USP8: variants seen among roughly 807,000 people sequenced by gnomAD.
USP8 encodes ubiquitin carboxyl-terminal hydrolase 8.
Under a neutral mutation model 130.0 loss-of-function variants are expected in USP8, and 27 were observed. The ratio of observed to expected loss-of-function variants is 0.21; its 90% confidence interval spans 0.15 to 0.29. The LOEUF is 0.29. Among genes scored for constraint, USP8 ranks in the 10% least tolerant of loss-of-function variants. The probability of loss-of-function intolerance (pLI) is 1.00; values close to 1 mark genes in which losing one functional copy is unlikely to be tolerated. For missense variants in USP8, 1,029 were observed against 1,312.2 expected, an observed-to-expected ratio of 0.78 and a Z score of 3.33; for synonymous variants, 392 against 444.1, an observed-to-expected ratio of 0.88 and a Z score of 1.48.
At chr15:50,464,539 C>T (rs1482906822) in intron 6 of USP8, among the ~76,000 whole-genome samples, 3 of 152,130 alleles carry the variant, frequency 2.0e-5, no homozygotes, top group African/African-American at 4.8e-5. Flanking sequence ...AACAGAGCAT[C>T]GAACTGGTTT....
intron 7 of USP8, among the ~76,000 whole-genome samples, chr15:50,469,831 A>ATTTTTTT: frequency 7.3e-6 from 1 of 136,068 alleles, no homozygotes; most frequent in Non-Finnish European, 1.6e-5. Flanking sequence ...ATTAAATCCA[A>ATTTTTTT]TTTTTTTTTT....
chr15:50,494,069 G>A lies in USP8; in HGVS notation c.2448-1G>A. On this transcript the variant is annotated splice_acceptor_variant, in intron 15 of 19. Coordinates refer to ENST00000307179, the MANE Select transcript of USP8 (RefSeq NM_005154.5). LOFTEE classifies it high-confidence loss of function. ...TTTTGTAACAACTTTTATTTGCACA[G>A]GTCAAATTTGTTGGGGCATAAAGGT... The A allele has an allele frequency of 6.2e-7, 1 of 1,603,332 alleles. No individual in the cohort carries two copies. Among genetic ancestry groups the A allele is most frequent in the Non-Finnish European group, 8.5e-7 (1 of 1,177,010 alleles).
Position 50,496,103 on chromosome 15 carries a change from GAGAA to G in USP8, c.2895+21_2895+24del. On this transcript the variant is annotated intron_variant, in intron 17 of 19. Coordinates refer to ENST00000307179, the MANE Select transcript of USP8 (RefSeq NM_005154.5). Reference sequence around the variant, plus strand: ...ATTACAGGTAAGTTTAAGAAGTAGAGAGAAAATGATTTATTGGATAAAAATGCTG... The same window carrying G: ...ATTACAGGTAAGTTTAAGAAGTAGAGAATGATTTATTGGATAAAAATGCTG... 1 of 1,556,662 alleles carries G rather than the reference GAGAA, an allele frequency of 6.4e-7. No individual in the cohort carries two copies. The highest frequency in any genetic ancestry group is 8.8e-7 in the Non-Finnish European group (1 of 1,139,466).
In USP8 at chr15:50,513,215, C is replaced by T. The variant is rs971658202; in HGVS notation, c.*14127C>T. On this transcript the variant is annotated 3_prime_UTR_variant, in exon 20 of 20. Transcript: ENST00000307179. ...AAGTGACCTCACTCCTAAGTATATA[C>T]ATGAGAGAAACTCTTATGCACATAT... 7.9e-5 allele frequency: 12 copies of T among 152,046 alleles called. No individual in the cohort carries two copies. Among genetic ancestry groups the T allele is most frequent in the African/African-American group, 2.9e-4 (12 of 41,392 alleles). 9.4% of individuals were successfully genotyped at this position (152,046 alleles called of 1,614,324 possible).
chr15:50,450,660 G>A (rs1325174873), intron 4 of USP8, among the ~76,000 whole-genome samples: 8 of 151,680 alleles, frequency 5.3e-5, no homozygotes, highest in African/African-American at 1.7e-4. Flanking sequence ...TAGTCGAGAC[G>A]GGGTTTCTCC....
At chr15:50,471,392 T>C (rs1396799270) in intron 7 of USP8, among the ~76,000 whole-genome samples, 1 of 152,204 alleles carries the variant, frequency 6.6e-6, no homozygotes. Context: ...TGAAAAGAAT[T>C]CAGTCTTCTT....
chr15:50,427,837 C>T (rs1434354413), intron 1 of USP8, among the ~76,000 whole-genome samples: 2 of 150,506 alleles, frequency 1.3e-5, no homozygotes, highest in African/African-American at 4.9e-5. Flanking sequence ...GGGATTATAG[C>T]CGTGAGCCAC....
Position 50,506,093 on chromosome 15 carries a change from T to C in USP8, c.*7005T>C, listed in dbSNP as rs2052654496. 2 of 152,244 alleles carry C rather than the reference T, an allele frequency of 1.3e-5. No homozygotes were observed. Among genetic ancestry groups the C allele is most frequent in the Non-Finnish European group, 1.5e-5 (1 of 68,052 alleles). The allele number at this position is 152,244 out of a possible 1,614,324, so 9.4% of individuals were successfully genotyped here. A position where few individuals can be genotyped will look rare whatever the true frequency, so the allele number is the denominator to read the frequency against. Reference sequence around the variant, plus strand: ...TTTAAGTATGAAAGCTGTCGTTTTTTAGCATAATTACTAAAGAATCAAAAT... The same window carrying C: ...TTTAAGTATGAAAGCTGTCGTTTTTCAGCATAATTACTAAAGAATCAAAAT... On this transcript the variant is annotated 3_prime_UTR_variant, in exon 20 of 20. Coordinates refer to ENST00000307179, the MANE Select transcript of USP8 (RefSeq NM_005154.5).
At chr15:50,469,661 A>T (rs2141289957) in intron 7 of USP8, among the ~76,000 whole-genome samples, 1 of 152,196 alleles carries the variant, frequency 6.6e-6, no homozygotes, top group Non-Finnish European at 1.5e-5. Context: ...AAATGATCTT[A>T]TTTGGTTTTA....
intron 10 of USP8, among the ~76,000 whole-genome samples, chr15:50,480,017 T>A (rs888795964): frequency 2.0e-5 from 3 of 152,182 alleles, no homozygotes; most frequent in Non-Finnish European, 4.4e-5. Context: ...CGGCTCGGCC[T>A]CCCAAAGTGC....
chr15:50,493,563 G>C (rs1311478972), intron 15 of USP8: 2 of 497,458 alleles, frequency 4.0e-6, no homozygotes, highest in African/African-American at 2.0e-5. Flanking sequence ...AGACCAGTCT[G>C]GGCAACAAGG....
intron 7 of USP8, among the ~76,000 whole-genome samples, chr15:50,467,834 G>T (rs1188748355): frequency 6.6e-6 from 1 of 152,068 alleles, no homozygotes; most frequent in South Asian, 2.1e-4. Context: ...TGGGATTATA[G>T]ATGTGAGCCA....
intron 1 of USP8, among the ~76,000 whole-genome samples, chr15:50,428,502 C>G (rs1370783557): frequency 6.6e-6 from 1 of 152,210 alleles, no homozygotes; most frequent in Non-Finnish European, 1.5e-5. Flanking sequence ...CCTGAAACCA[C>G]AGATAGTACT....
At chr15:50,447,251 G>T (rs2050472862) in intron 3 of USP8, among the ~76,000 whole-genome samples, 1 of 152,136 alleles carries the variant, frequency 6.6e-6, no homozygotes, top group African/African-American at 2.4e-5. Flanking sequence ...AGTTTTTGTT[G>T]TTGTTTTCAA....
intron 8 of USP8, among the ~76,000 whole-genome samples, chr15:50,473,952 G>A (rs988447379): frequency 6.6e-6 from 1 of 151,530 alleles, no homozygotes; most frequent in Non-Finnish European, 1.5e-5. Flanking sequence ...CTCCTGCCTC[G>A]TCCTTTCCAA....
chr15:50,494,271 T>C lies in USP8; in HGVS notation c.2649T>C (p.Asp883=). The part of the protein sequence containing the change: ...LLFLMDGLHE[D]LNKADNRKRY... Reference sequence around the variant, plus strand: ...TCCTAATGGATGGTCTCCATGAAGATCTAAATAAAGTAAGAAATTTGATTT... The same window carrying C: ...TCCTAATGGATGGTCTCCATGAAGACCTAAATAAAGTAAGAAATTTGATTT... Residue 883 remains aspartate (D), a synonymous_variant, in exon 16 of 20, where the codon GAT becomes GAC. Transcript: ENST00000307179. 6.3e-7 allele frequency: 1 copy of C among 1,599,914 alleles called. No homozygotes were observed. The highest frequency in any genetic ancestry group is 1.1e-5 in the South Asian group (1 of 88,404).
At chr15:50,441,127 G>A (rs1203606435) in intron 2 of USP8, among the ~76,000 whole-genome samples, 2 of 152,082 alleles carry the variant, frequency 1.3e-5, no homozygotes, top group Non-Finnish European at 2.9e-5. Context: ...GTGGTAATGC[G>A]AGCAATGGGG....
At chr15:50,479,752 TTTTC>T (rs1362356432) in intron 10 of USP8, among the ~76,000 whole-genome samples, 5 of 151,788 alleles carry the variant, frequency 3.3e-5, no homozygotes, top group Non-Finnish European at 5.9e-5. Context: ...ACTAACCTCG[TTTTC>T]TTTTTCTTTT....
At chr15:50,479,883 T>C (rs1262831053) in intron 10 of USP8, among the ~76,000 whole-genome samples, 1 of 151,962 alleles carries the variant, frequency 6.6e-6, no homozygotes, top group Non-Finnish European at 1.5e-5. Flanking sequence ...CTCAGCCTCC[T>C]GAGTAGCTGG....
Sources: gnomAD v4.1 joint callset for allele counts (sites outside exome capture counted in the v4.1 genomes callset) on GRCh38, gnomAD v4.1.1 for gene constraint, MANE v1.5 for transcripts, NCBI Gene and HGNC (gene_info 2026-07-23, HGNC 2026-07-21) for gene names.